Variants in EPHA6 observed in about 807,000 individuals in gnomAD.
The protein encoded by EPHA6 is ephrin type-A receptor 6.
In EPHA6, 50 loss-of-function variants were observed where a neutral mutation model predicts 112.0. The ratio of observed to expected loss-of-function variants is 0.45; its 90% confidence interval spans 0.36 to 0.56. The LOEUF is 0.56. Among genes scored for constraint, EPHA6 ranks in the 20% least tolerant of loss-of-function variants. The pLI is 0.00. For missense variants in EPHA6, 1,280 were observed against 1,417.4 expected (o/e 0.90, Z 1.56); for synonymous variants, 529 against 490.7 (o/e 1.08, Z -1.03).
chr3:97,166,367 TAA>T (rs570227027), intron 3 of EPHA6, among the ~76,000 whole-genome samples: 14 of 143,196 alleles, frequency 9.8e-5, no homozygotes, highest in South Asian at 2.2e-4. Flanking sequence ...TACTTGTTTT[TAA>T]AAAAAAAAAA....
intron 3 of EPHA6, among the ~76,000 whole-genome samples, chr3:97,092,339 G>C (rs1270350098): frequency 2.0e-5 from 3 of 151,972 alleles, no homozygotes; most frequent in African/African-American, 7.2e-5. Flanking sequence ...GACAGTTATA[G>C]ACAAAATGTT....
chr3:97,389,404 A>G (rs541242563), intron 5 of EPHA6, among the ~76,000 whole-genome samples: 3 of 152,304 alleles, frequency 2.0e-5, no homozygotes, highest in Admixed American at 1.3e-4. Flanking sequence ...ACTCCCTTAT[A>G]CGTGACCTAA....
chr3:97,262,224 C>A (rs974588491), intron 5 of EPHA6, among the ~76,000 whole-genome samples: 3 of 152,068 alleles, frequency 2.0e-5, no homozygotes, highest in Non-Finnish European at 4.4e-5. Context: ...AAGTCTCTCA[C>A]CACAATGTCT....
intron 14 of EPHA6, among the ~76,000 whole-genome samples, chr3:97,669,759 T>C (rs1029564360): frequency 6.6e-6 from 1 of 152,196 alleles, no homozygotes; most frequent in Non-Finnish European, 1.5e-5. Flanking sequence ...TAAACATAAA[T>C]TGTTCAGGTT....
chr3:97,159,880 C>T (rs74584072), intron 3 of EPHA6, among the ~76,000 whole-genome samples: 116 of 152,220 alleles, frequency 7.6e-4, no homozygotes, highest in East Asian at 3.7e-3. Flanking sequence ...TATGTATCTA[C>T]GGTGTGTTAT....
At chr3:96,992,230 C>A (rs1457035682) in intron 3 of EPHA6, among the ~76,000 whole-genome samples, 1 of 152,136 alleles carries the variant, frequency 6.6e-6, no homozygotes. Flanking sequence ...ATGTGTTGAC[C>A]TTTTAGTATC....
Position 97,752,467 on chromosome 3 carries a change from C to T in EPHA6, c.*3766C>T, listed in dbSNP as rs1159811526. The T allele has an allele frequency of 9.0e-6, 2 of 221,174 alleles. No homozygotes were observed. Among genetic ancestry groups the T allele is most frequent in the African/African-American group, 4.5e-5 (2 of 44,658 alleles). The allele number at this position is 221,174 out of a possible 1,614,324, so 13.7% of individuals were successfully genotyped here. The stretch of plus-strand genomic sequence containing the variant: ...ATAAATTTTCTAAAACTTTCTCAGC[C>T]CTGTTTTTAATTCCCCCATCCTCTC... On this transcript the variant is annotated 3_prime_UTR_variant, in exon 18 of 18. Transcript: ENST00000389672.
At chr3:97,348,211 A>G (rs551706282) in intron 5 of EPHA6, among the ~76,000 whole-genome samples, 4 of 152,226 alleles carry the variant, frequency 2.6e-5, no homozygotes, top group South Asian at 4.1e-4. Flanking sequence ...CTAAAATTCT[A>G]CCTTTATTCT....
intron 5 of EPHA6, among the ~76,000 whole-genome samples, chr3:97,328,841 G>C (rs2082620247): frequency 6.6e-6 from 1 of 151,948 alleles, no homozygotes; most frequent in Non-Finnish European, 1.5e-5. Context: ...TGTACTTTAA[G>C]TTCTAGGGTA....
intron 2 of EPHA6, among the ~76,000 whole-genome samples, chr3:96,928,857 C>T (rs896733992): frequency 8.5e-5 from 13 of 152,312 alleles, no homozygotes; most frequent in Non-Finnish European, 1.8e-4. Flanking sequence ...GGATTGAACT[C>T]TTTACCATTA....
intron 3 of EPHA6, among the ~76,000 whole-genome samples, chr3:97,191,888 G>GT (rs1404962326): frequency 6.6e-6 from 1 of 152,018 alleles, no homozygotes; most frequent in Non-Finnish European, 1.5e-5. Context: ...CCATTTTTTA[G>GT]TTTTTTGAGG....
chr3:96,955,089 A>G (rs1408753604), intron 2 of EPHA6, among the ~76,000 whole-genome samples: 1 of 152,046 alleles, frequency 6.6e-6, no homozygotes, highest in Non-Finnish European at 1.5e-5. Context: ...CTTCTTGGAG[A>G]TCTTTGTCTC....
intron 14 of EPHA6, chr3:97,646,325 G>A (rs760031901): frequency 1.3e-6 from 2 of 1,485,614 alleles, no homozygotes; most frequent in South Asian, 2.7e-5. Context: ...GTCTTTCAGA[G>A]CCCCGTTTAA....
At chr3:97,547,342 T>C (rs1226292738) in intron 11 of EPHA6, among the ~76,000 whole-genome samples, 1 of 152,190 alleles carries the variant, frequency 6.6e-6, no homozygotes, top group African/African-American at 2.4e-5. Flanking sequence ...CCAGACCCTG[T>C]CTCCCTGGGT....
At chr3:97,560,214 A>G (rs1025796142) in intron 11 of EPHA6, among the ~76,000 whole-genome samples, 1 of 151,888 alleles carries the variant, frequency 6.6e-6, no homozygotes, top group African/African-American at 2.4e-5. Flanking sequence ...AAAGTGATAT[A>G]TAAGCACAAA....
intron 5 of EPHA6, among the ~76,000 whole-genome samples, chr3:97,254,222 C>T (rs1304740127): frequency 6.6e-6 from 1 of 151,468 alleles, no homozygotes; most frequent in East Asian, 1.9e-4. Context: ...AGAGTCTTGC[C>T]CTGTCGCCCA....
chr3:97,648,428 G>T, intron 14 of EPHA6: 1 of 1,405,162 alleles, frequency 7.1e-7, no homozygotes, highest in Non-Finnish European at 9.3e-7. Context: ...ATGAGGGGAA[G>T]GTATTTAATG....
chr3:96,962,628 C>T (rs1047565952), intron 2 of EPHA6, among the ~76,000 whole-genome samples: 1 of 150,388 alleles, frequency 6.6e-6, no homozygotes, highest in African/African-American at 2.5e-5. Context: ...TGCACTGTCC[C>T]TTTTAAGCTT....
chr3:97,479,410 C>G (rs1277062642), intron 9 of EPHA6, 46 bp downstream of exon 9: 6 of 1,330,004 alleles, frequency 4.5e-6, no homozygotes, highest in Non-Finnish European at 6.2e-6. Context: ...ACTGTTCCAG[C>G]ACTTCAGGAG....
Sources: allele counts gnomAD v4.1 joint callset (sites outside exome capture counted in the v4.1 genomes callset), GRCh38; gene constraint gnomAD v4.1.1; transcripts MANE v1.5; gene names NCBI Gene and HGNC (gene_info 2026-07-23, HGNC 2026-07-21).